Variants in MPPED2 observed in about 807,000 individuals in gnomAD.
MPPED2 encodes metallophosphoesterase domain containing 2.
A neutral mutation model predicts 33.0 loss-of-function variants in MPPED2; 5 were observed. That is an observed-to-expected ratio of 0.15 (90% CI 0.08 to 0.32). The LOEUF (loss-of-function observed/expected upper bound fraction) is 0.32, where lower values mean the gene tolerates loss of function less well. Ranked by LOEUF, MPPED2 falls within the 10% of genes least tolerant of loss-of-function variation. MPPED2 has a pLI of 1.00. For missense variants in MPPED2, 275 were observed against 372.1 expected (o/e 0.74, Z 2.15); for synonymous variants, 136 against 141.9 (o/e 0.96, Z 0.29).
At chr11:30,471,272 C>T (rs1950935352) in intron 4 of MPPED2, among the ~76,000 whole-genome samples, 1 of 152,172 alleles carries the variant, frequency 6.6e-6, no homozygotes, top group Non-Finnish European at 1.5e-5. Context: ...TTCCCATTCC[C>T]TTCATCTTAG....
chr11:30,431,240 T>C (rs1949065363), intron 4 of MPPED2, among the ~76,000 whole-genome samples: 1 of 152,168 alleles, frequency 6.6e-6, no homozygotes, highest in Non-Finnish European at 1.5e-5. Flanking sequence ...ACATTGAGCC[T>C]CTGGCACACA....
chr11:30,541,994 C>A (rs906046695), intron 2 of MPPED2, among the ~76,000 whole-genome samples: 8 of 152,220 alleles, frequency 5.3e-5, no homozygotes, highest in African/African-American at 1.7e-4. Context: ...TTGTGATGTT[C>A]TATCATCCAA....
At chr11:30,536,292 G>A in intron 2 of MPPED2, 117 bp from the exon 3 acceptor site, 8 of 872,640 alleles carry the variant, frequency 9.2e-6, no homozygotes, top group Non-Finnish European at 1.3e-5. Context: ...TGACGCAAAG[G>A]CAGAAGGGCC....
Position 30,512,838 on chromosome 11 carries a change from T to C in MPPED2, c.311-17317A>G, listed in dbSNP as rs559272772. ...CAATATGGTGAAAACTCGTCTCTAC[T>C]AAAAATACAAAAATTAGCCAAATGT... is the stretch of plus-strand genomic sequence containing the variant. On this transcript the variant is annotated intron_variant, in intron 3 of 6. Transcript: ENST00000358117. Among the ~76,000 whole-genome samples the C allele has an allele frequency of 5.3e-5, 8 of 152,210 alleles. No homozygotes were observed. In the South Asian group the frequency reaches 1.5e-3, roughly 28 times the overall value.
intron 1 of MPPED2, among the ~76,000 whole-genome samples, chr11:30,583,488 GAC>G (rs1294247019): frequency 2.6e-5 from 4 of 152,154 alleles, no homozygotes; most frequent in Non-Finnish European, 4.4e-5. Context: ...AAAAGGGACT[GAC>G]ACTGCCAAAC....
chr11:30,534,552 C>A (rs958621461), intron 3 of MPPED2, among the ~76,000 whole-genome samples: 1 of 152,114 alleles, frequency 6.6e-6, no homozygotes, highest in South Asian at 2.1e-4. Context: ...TAAAACAGCA[C>A]AAAATATAAA....
intron 2 of MPPED2, among the ~76,000 whole-genome samples, chr11:30,558,414 T>C (rs76950711): frequency 6.6e-6 from 1 of 151,714 alleles, no homozygotes; most frequent in African/African-American, 2.4e-5. Context: ...TCCTTCTTTT[T>C]TTTTTTATTT....
chr11:30,577,890 T>C (rs1421317241), intron 2 of MPPED2, among the ~76,000 whole-genome samples: 1 of 152,178 alleles, frequency 6.6e-6, no homozygotes, highest in African/African-American at 2.4e-5. Flanking sequence ...AATCAATGGA[T>C]CAATTGACCA....
At chr11:30,434,586 C>T (rs1013083038) in intron 4 of MPPED2, among the ~76,000 whole-genome samples, 1 of 152,096 alleles carries the variant, frequency 6.6e-6, no homozygotes, top group Non-Finnish European at 1.5e-5. Flanking sequence ...TGTGCATTTC[C>T]AGTTCTGCAT....
chr11:30,401,960 G>A (rs928994867), intron 6 of MPPED2, among the ~76,000 whole-genome samples: 3 of 151,890 alleles, frequency 2.0e-5, no homozygotes, highest in Admixed American at 2.0e-4. Context: ...GCCTCCCAAA[G>A]TGCTGGGATT....
intron 3 of MPPED2, among the ~76,000 whole-genome samples, chr11:30,496,440 C>T (rs1005197488): frequency 6.6e-6 from 1 of 152,156 alleles, no homozygotes. Context: ...TCTGTCACTA[C>T]CCATCCCTCA....
chr11:30,461,677 GA>G (rs1428888514), intron 4 of MPPED2, among the ~76,000 whole-genome samples: 3 of 151,668 alleles, frequency 2.0e-5, no homozygotes, highest in Non-Finnish European at 2.9e-5. Flanking sequence ...GGCATATGAT[GA>G]AAAAAAAGAC....
At chr11:30,482,348 T>C (rs1951527707) in intron 4 of MPPED2, among the ~76,000 whole-genome samples, 1 of 152,166 alleles carries the variant, frequency 6.6e-6, no homozygotes, top group Non-Finnish European at 1.5e-5. Context: ...AAACATACTA[T>C]TGCTGTCTGA....
chr11:30,526,457 T>C (rs1954182769), intron 3 of MPPED2, among the ~76,000 whole-genome samples: 1 of 152,144 alleles, frequency 6.6e-6, no homozygotes, highest in Admixed American at 6.5e-5. Context: ...AACTTAAAAG[T>C]ATAGCATTTT....
chr11:30,434,294 G>C (rs1949220393), intron 4 of MPPED2, among the ~76,000 whole-genome samples: 1 of 152,170 alleles, frequency 6.6e-6, no homozygotes, highest in Non-Finnish European at 1.5e-5. Flanking sequence ...CAGGGATCCA[G>C]AATTCGCAGG....
intron 2 of MPPED2, among the ~76,000 whole-genome samples, chr11:30,561,661 C>G (rs759238968): frequency 8.5e-5 from 13 of 152,280 alleles, no homozygotes; most frequent in Non-Finnish European, 1.6e-4. Flanking sequence ...TTGGGCCCAG[C>G]TGCAGTCCAA....
At chr11:30,567,331 G>A (rs1253472277) in intron 2 of MPPED2, among the ~76,000 whole-genome samples, 1 of 152,144 alleles carries the variant, frequency 6.6e-6, no homozygotes, top group Non-Finnish European at 1.5e-5. Flanking sequence ...TTAGGGGCAG[G>A]CCTAGAATTT....
intron 2 of MPPED2, among the ~76,000 whole-genome samples, chr11:30,569,005 A>G (rs1382654939): frequency 6.6e-6 from 1 of 152,126 alleles, no homozygotes; most frequent in African/African-American, 2.4e-5. Context: ...CTTTTTTCTC[A>G]AAGTGCAAAA....
intron 6 of MPPED2, among the ~76,000 whole-genome samples, chr11:30,392,750 A>T (rs1170602182): frequency 6.6e-6 from 1 of 152,168 alleles, no homozygotes; most frequent in Middle Eastern, 3.2e-3. Flanking sequence ...GATGGGAGAG[A>T]GTGTTCATGC....
Sources: gnomAD v4.1 joint callset for allele counts (sites outside exome capture counted in the v4.1 genomes callset) on GRCh38, gnomAD v4.1.1 for gene constraint, MANE v1.5 for transcripts, NCBI Gene and HGNC (gene_info 2026-07-23, HGNC 2026-07-21) for gene names.